CNTN4: variants seen among roughly 807,000 people sequenced by gnomAD.
CNTN4 encodes contactin-4.
A neutral mutation model predicts 122.5 loss-of-function variants in CNTN4; 77 were observed. The observed-to-expected ratio is 0.63, with a 90% CI of 0.52 to 0.76. The LOEUF (loss-of-function observed/expected upper bound fraction) is 0.76, where lower values mean the gene tolerates loss of function less well. CNTN4 is among the 30% of genes least tolerant of loss of function. The pLI, the probability that CNTN4 is intolerant of heterozygous loss-of-function variation, is 0.00. For synonymous variants in CNTN4, 512 were observed against 447.0 expected (o/e 1.15, Z -1.83); for missense variants, 1,256 against 1,259.1 (o/e 1.00, Z 0.04).
intron 3 of CNTN4, among the ~76,000 whole-genome samples, chr3:2,407,413 G>A (rs2047077933): frequency 6.6e-6 from 1 of 151,828 alleles, no homozygotes; most frequent in African/African-American, 2.4e-5. Context: ...TGGCTAATCA[G>A]TTTATGAACC....
At chr3:2,775,852 G>A (rs1223184107) in intron 6 of CNTN4, among the ~76,000 whole-genome samples, 2 of 152,068 alleles carry the variant, frequency 1.3e-5, no homozygotes, top group Admixed American at 6.6e-5. Context: ...AGCTCCATGA[G>A]GGCGGGAACC....
rs542353244 is a variant in CNTN4 at position 3,016,101 on chromosome 3, A to G, written c.1487-10001A>G. 3.3e-5 allele frequency among the ~76,000 whole-genome samples: 5 copies of G among 152,270 alleles called. No individual in the cohort carries two copies. In the East Asian group the frequency reaches 9.6e-4, roughly 29 times the overall value. On this transcript the variant is annotated intron_variant, in intron 14 of 24. Coordinates refer to ENST00000418658, the MANE Select transcript of CNTN4 (RefSeq NM_175607.3). ...AAATGTTTCTCCGTGGGTAAAAGATATCTGTGGTTCCCATTTATGATTCTT... is the reference window on the plus strand; with the variant it reads ...AAATGTTTCTCCGTGGGTAAAAGATGTCTGTGGTTCCCATTTATGATTCTT...
At chr3:2,767,843 A>G (rs1019099204) in intron 6 of CNTN4, among the ~76,000 whole-genome samples, 5 of 152,240 alleles carry the variant, frequency 3.3e-5, no homozygotes, top group Non-Finnish European at 5.9e-5. Context: ...CTGGTGTTCA[A>G]TAAAAGCTTC....
intron 2 of CNTN4, among the ~76,000 whole-genome samples, chr3:2,269,729 A>C (rs2041195179): frequency 6.6e-6 from 1 of 152,080 alleles, no homozygotes; most frequent in African/African-American, 2.4e-5. Context: ...ATCATTTTGG[A>C]GAAAAGAGAC....
chr3:2,620,604 A>T (rs953804642), intron 4 of CNTN4, among the ~76,000 whole-genome samples: 3 of 152,164 alleles, frequency 2.0e-5, no homozygotes, highest in Non-Finnish European at 4.4e-5. Context: ...CTCATAAAAG[A>T]CTTAGCTGTA....
intron 2 of CNTN4, among the ~76,000 whole-genome samples, chr3:2,166,955 TAAAC>T (rs955188774): frequency 2.6e-4 from 39 of 152,250 alleles, no homozygotes; most frequent in African/African-American, 8.7e-4. Context: ...CGAGAAAATA[TAAAC>T]AAACAACTAT....
At chr3:2,978,411 G>C (rs940971946) in intron 13 of CNTN4, among the ~76,000 whole-genome samples, 1 of 152,186 alleles carries the variant, frequency 6.6e-6, no homozygotes, top group African/African-American at 2.4e-5. Flanking sequence ...TTAAAGAGAG[G>C]TTCAAGCCAG....
At chr3:2,317,527 A>G (rs1475879244) in intron 2 of CNTN4, among the ~76,000 whole-genome samples, 1 of 152,176 alleles carries the variant, frequency 6.6e-6, no homozygotes, top group Non-Finnish European at 1.5e-5. Flanking sequence ...AATCCTGAAG[A>G]GCATTATCAT....
At chr3:2,416,998 G>T (rs911228031) in intron 3 of CNTN4, among the ~76,000 whole-genome samples, 1 of 152,150 alleles carries the variant, frequency 6.6e-6, no homozygotes. Context: ...TTGTTTAGCA[G>T]AAGTCTCACA....
intron 3 of CNTN4, among the ~76,000 whole-genome samples, chr3:2,482,020 GTGC>G (rs1450355192): frequency 6.6e-6 from 1 of 152,200 alleles, no homozygotes; most frequent in Non-Finnish European, 1.5e-5. Flanking sequence ...AGAGAGTGGG[GTGC>G]TGCTATAAAG....
chr3:2,927,019 A>ATTACTTTTAATAGCTATGTAC (rs1466397857), intron 13 of CNTN4, among the ~76,000 whole-genome samples: 24 of 152,134 alleles, frequency 1.6e-4, no homozygotes, highest in Admixed American at 6.6e-5. Flanking sequence ...GGCACGTGAG[A>ATTACTTTTAATAGCTATGTAC]TTACTTTTAA....
In CNTN4 at chr3:3,026,027, G is replaced by C. The variant is rs1473594008; in HGVS notation, c.1487-75G>C. 7 of 1,367,244 alleles carry C rather than the reference G, an allele frequency of 5.1e-6. No individual in the cohort carries two copies. In the East Asian group the frequency reaches 1.4e-4, roughly 27 times the overall value. The allele number at this position is 1,367,244 out of a possible 1,614,324, so 84.7% of individuals were successfully genotyped here. A position where few individuals can be genotyped will look rare whatever the true frequency, so the allele number is the denominator to read the frequency against. On this transcript the variant is annotated intron_variant, in intron 14 of 24. Transcript: ENST00000418658. Reference sequence around the variant, plus strand: ...TTACTTAGTATTTCATCCTGCTCTTGGAGTCTACATTGTATTTCCACACAA... The same window carrying C: ...TTACTTAGTATTTCATCCTGCTCTTCGAGTCTACATTGTATTTCCACACAA...
At chr3:2,143,936 G>A (rs1239270369) in intron 2 of CNTN4, among the ~76,000 whole-genome samples, 1 of 152,150 alleles carries the variant, frequency 6.6e-6, no homozygotes, top group Non-Finnish European at 1.5e-5. Flanking sequence ...ACTTTTTAGG[G>A]CTACTCAGAT....
chr3:2,492,974 T>A (rs1386062807), intron 3 of CNTN4, among the ~76,000 whole-genome samples: 2 of 152,232 alleles, frequency 1.3e-5, no homozygotes. Flanking sequence ...TTGATTTTCC[T>A]GGGGGCATTA....
chr3:2,580,340 G>A (rs2079880077), intron 4 of CNTN4, among the ~76,000 whole-genome samples: 2 of 152,078 alleles, frequency 1.3e-5, no homozygotes, highest in Non-Finnish European at 2.9e-5. Context: ...GAGCTGAGGA[G>A]GTGTCTATAA....
intron 3 of CNTN4, among the ~76,000 whole-genome samples, chr3:2,366,163 A>G (rs764418064): frequency 6.6e-6 from 1 of 152,164 alleles, no homozygotes; most frequent in Non-Finnish European, 1.5e-5. Flanking sequence ...CAGCCTATCA[A>G]TGTTTGGAAA....
chr3:2,658,099 G>C (rs751105034), intron 4 of CNTN4, among the ~76,000 whole-genome samples: 1 of 150,180 alleles, frequency 6.7e-6, no homozygotes, highest in African/African-American at 2.5e-5. Flanking sequence ...GTGCTTATGA[G>C]ACAGCCAGGT....
intron 2 of CNTN4, among the ~76,000 whole-genome samples, chr3:2,101,758 C>CACAG (rs149565156): frequency 0.078 from 11,854 of 151,650 alleles, 739 homozygotes; most frequent in African/African-American, 0.17. Flanking sequence ...TTATAAAACA[C>CACAG]ACAAAGAAAC....
chr3:2,533,131 C>CT (rs35576083), intron 3 of CNTN4, among the ~76,000 whole-genome samples: 2,413 of 137,674 alleles, frequency 0.018, 40 homozygotes, highest in African/African-American at 0.035. Flanking sequence ...ATTGATTCTT[C>CT]TTTTTTTTTT....
Sources: gnomAD v4.1 joint callset for allele counts (sites outside exome capture counted in the v4.1 genomes callset) on GRCh38, gnomAD v4.1.1 for gene constraint, MANE v1.5 for transcripts, NCBI Gene and HGNC (gene_info 2026-07-23, HGNC 2026-07-21) for gene names.